The following CYTH4 variants were observed in gnomAD, a reference collection of about 807,000 sequenced individuals.
CYTH4 encodes cytohesin 4.
Under a neutral mutation model 57.5 loss-of-function variants are expected in CYTH4, and 22 were observed. That is an observed-to-expected ratio of 0.38 (90% CI 0.27 to 0.55). The LOEUF is 0.55. CYTH4 is among the 20% of genes least tolerant of loss of function. The probability of loss-of-function intolerance (pLI) is 0.74; values close to 1 mark genes in which losing one functional copy is unlikely to be tolerated. For synonymous variants in CYTH4, 186 were observed against 206.5 expected, an observed-to-expected ratio of 0.90 and a Z score of 0.85; for missense variants, 420 against 535.6, an observed-to-expected ratio of 0.78 and a Z score of 2.13.
Position 37,311,076 on chromosome 22 carries a change from T to C in CYTH4, c.885+12T>C, listed in dbSNP as rs1055334537. On this transcript the variant is annotated intron_variant, in intron 10 of 12. Coordinates refer to ENST00000248901, the MANE Select transcript of CYTH4 (RefSeq NM_013385.5). This position sits in a 1 kb window ranked among gnomAD's most constrained non-coding sequence, Gnocchi z 4.4. Reference sequence around the variant, plus strand: ...TCGAGTTCACCACTGTGAGCAGGGTTCTCCTGGGCCTTCCCCTGCCCCCGC... The same window carrying C: ...TCGAGTTCACCACTGTGAGCAGGGTCCTCCTGGGCCTTCCCCTGCCCCCGC... 1 of 1,613,858 alleles carries C rather than the reference T, an allele frequency of 6.2e-7. No individual in the cohort carries two copies. The highest frequency in any genetic ancestry group is 8.5e-7 in the Non-Finnish European group (1 of 1,179,820).
chr22:37,291,757 C>T (rs1375495007), intron 1 of CYTH4, among the ~76,000 whole-genome samples: 2 of 152,190 alleles, frequency 1.3e-5, no homozygotes, highest in African/African-American at 2.4e-5. Context: ...GTGGATGAAA[C>T]AGAAGCCACC....
chr22:37,287,252 C>T (rs1928592018), intron 1 of CYTH4, among the ~76,000 whole-genome samples: 1 of 152,020 alleles, frequency 6.6e-6, no homozygotes, highest in African/African-American at 2.4e-5. Context: ...CTGATGAAGC[C>T]CCATGGGGAC....
chr22:37,283,446 C>G (rs10084630), intron 1 of CYTH4, among the ~76,000 whole-genome samples: 52,304 of 151,948 alleles, frequency 0.34, 9,807 homozygotes, highest in African/African-American at 0.5. Context: ...CCTAAGGGCT[C>G]GTGGGAGCTG....
At chr22:37,294,803 G>A in intron 3 of CYTH4, 79 bp downstream of exon 3, 2 of 1,516,784 alleles carry the variant, frequency 1.3e-6, no homozygotes, top group Non-Finnish European at 1.8e-6. Context: ...ATGAGCAGGG[G>A]CCACTCCCAG....
chr22:37,288,884 G>T (rs1031354679), intron 1 of CYTH4, among the ~76,000 whole-genome samples: 1 of 152,186 alleles, frequency 6.6e-6, no homozygotes, highest in Non-Finnish European at 1.5e-5. Flanking sequence ...TCATGGCCAC[G>T]TGCTCACTTC....
At chr22:37,309,584 A>C (rs775250968) in intron 9 of CYTH4, among the ~76,000 whole-genome samples, 1 of 152,166 alleles carries the variant, frequency 6.6e-6, no homozygotes, top group Non-Finnish European at 1.5e-5. Flanking sequence ...AGACAGACCC[A>C]CTGACAAATG....
intron 6 of CYTH4, chr22:37,300,058 C>G (rs1407573573): frequency 4.2e-6 from 3 of 717,084 alleles, no homozygotes; most frequent in Non-Finnish European, 7.8e-6. Context: ...AATAATAGTA[C>G]CAACTTCACA....
Position 37,298,610 on chromosome 22 carries a change from C to T in CYTH4, c.354-616C>T, listed in dbSNP as rs947996511. ...AACAGGCTCAAGAATCTAGACTGGACGGGAGGAGAGAGGAAGGATATTGTG... is the reference window on the plus strand; with the variant it reads ...AACAGGCTCAAGAATCTAGACTGGATGGGAGGAGAGAGGAAGGATATTGTG... On this transcript the variant is annotated intron_variant, in intron 5 of 12. Transcript: ENST00000248901. The surrounding 1 kb of genome is among the most constrained non-coding windows in gnomAD (Gnocchi z 4.1). Among the ~76,000 whole-genome samples, 8 of 151,516 alleles carry T rather than the reference C, an allele frequency of 5.3e-5. No homozygotes were observed. The highest frequency in any genetic ancestry group is 2.0e-4 in the Admixed American group (3 of 15,218).
intron 4 of CYTH4, 163 bp downstream of exon 4, chr22:37,296,228 G>A: frequency 1.3e-6 from 1 of 751,404 alleles, no homozygotes; most frequent in Non-Finnish European, 2.1e-6. Flanking sequence ...GCCAGCTGTG[G>A]CTGGGCGCCC....
chr22:37,308,663 T>C (rs531256109), intron 8 of CYTH4, among the ~76,000 whole-genome samples: 1 of 151,794 alleles, frequency 6.6e-6, no homozygotes, highest in South Asian at 2.1e-4. Context: ...TGCATATATG[T>C]GTGAGCGTGC....
At position 37,299,248 on chromosome 22, in the gene CYTH4, C is replaced by T; in HGVS notation, c.376C>T (p.Leu126Phe). ...GERDPINLQV[L>F]QAFVDCHEFA... is the part of the protein sequence containing the mutation. The stretch of plus-strand genomic sequence containing the variant: ...CAGGGATCCCATCAACCTGCAGGTC[C>T]TCCAGGCCTTCGTGGACTGCCACGA... Residue 126 changes from leucine (L) to phenylalanine (F), a missense_variant, in exon 6 of 13, where the codon CTC becomes TTC. Physicochemically the swap from Leu to Phe is conservative, Grantham distance 22. Transcript: ENST00000248901. The T allele has an allele frequency of 6.2e-7, 1 of 1,614,158 alleles. No homozygotes were observed. The highest frequency in any genetic ancestry group is 8.5e-7 in the Non-Finnish European group (1 of 1,180,000).
chr22:37,302,760 T>C (rs1929226889), intron 7 of CYTH4, among the ~76,000 whole-genome samples: 1 of 152,094 alleles, frequency 6.6e-6, no homozygotes, highest in Non-Finnish European at 1.5e-5. Flanking sequence ...CCCTCCTGAG[T>C]GCTTGAAAGT....
rs1045872508 is a variant in CYTH4 at position 37,296,182 on chromosome 22, C to T, written c.234+117C>T. The stretch of plus-strand genomic sequence containing the variant: ...CCCCTTTCCAGAGGAGGAAGCTGTG[C>T]CCAGCAGAGCTGAGCATCTTGTCCA... On this transcript the variant is annotated intron_variant, in intron 4 of 12. Transcript: ENST00000248901. The T allele has an allele frequency of 6.4e-6, 7 of 1,099,348 alleles. No homozygotes were observed. In the Admixed American group the frequency reaches 1.2e-4, roughly 19 times the overall value. The allele number at this position is 1,099,348 out of a possible 1,614,324, so 68.1% of individuals were successfully genotyped here.
At chr22:37,286,502 C>T (rs1010695693) in intron 1 of CYTH4, among the ~76,000 whole-genome samples, 2 of 152,002 alleles carry the variant, frequency 1.3e-5, no homozygotes, top group Non-Finnish European at 2.9e-5. Flanking sequence ...AACGGCGTGG[C>T]TTGGTTATTG....
chr22:37,311,112 A>C lies in CYTH4; in HGVS notation c.885+48A>C. 1 of 1,598,752 alleles carries C rather than the reference A, an allele frequency of 6.3e-7. No individual in the cohort carries two copies. Among genetic ancestry groups the C allele is most frequent in the South Asian group, 1.1e-5 (1 of 90,616 alleles). On this transcript the variant is annotated intron_variant, in intron 10 of 12. Transcript: ENST00000248901. This position sits in a 1 kb window ranked among gnomAD's most constrained non-coding sequence, Gnocchi z 4.4. ...TTCCCCTGCCCCCGCCTCTCCCCGC[A>C]CAACCCACTTCCCAACTCCCACTGA...
At chr22:37,310,351 T>C (rs1929594848) in intron 9 of CYTH4, among the ~76,000 whole-genome samples, 1 of 151,966 alleles carries the variant, frequency 6.6e-6, no homozygotes, top group Non-Finnish European at 1.5e-5. Context: ...CAAGTACTGA[T>C]GGTCAGGTTC....
chr22:37,304,240 G>A (rs748609868), intron 8 of CYTH4: 2 of 456,710 alleles, frequency 4.4e-6, no homozygotes, highest in South Asian at 1.5e-5. Context: ...TGGCCAGAAC[G>A]GAGGCGTGTC....
intron 1 of CYTH4, among the ~76,000 whole-genome samples, chr22:37,282,854 CAT>C (rs1166539962): frequency 1.3e-5 from 2 of 152,134 alleles, no homozygotes; most frequent in African/African-American, 2.4e-5. Flanking sequence ...AATGTGATTC[CAT>C]ATGTCAGTTG....
chr22:37,300,560 C>G (rs1228423132), intron 6 of CYTH4, among the ~76,000 whole-genome samples: 1 of 152,230 alleles, frequency 6.6e-6, no homozygotes, highest in Non-Finnish European at 1.5e-5. Flanking sequence ...ACAGCCAGAT[C>G]TCAGGGCCCA....
Sources: gnomAD v4.1 joint callset for allele counts (sites outside exome capture counted in the v4.1 genomes callset) on GRCh38, gnomAD v4.1.1 for gene constraint, Gnocchi (gnomAD v3.1) non-coding constraint, MANE v1.5 for transcripts, NCBI Gene and HGNC (gene_info 2026-07-23, HGNC 2026-07-21) for gene names.